The following SEPHS1 variants were observed in gnomAD, a reference collection of about 807,000 sequenced individuals.
The protein encoded by SEPHS1 is zincore component SEPHS1.
In SEPHS1, 7 loss-of-function variants were observed where a neutral mutation model predicts 39.2. That is an observed-to-expected ratio of 0.18 (90% CI 0.10 to 0.34). SEPHS1 has a LOEUF of 0.34. SEPHS1 is among the 10% of genes least tolerant of loss of function. The pLI, the probability that SEPHS1 is intolerant of heterozygous loss-of-function variation, is 1.00. For missense variants in SEPHS1, 253 were observed against 514.5 expected (o/e 0.49, Z 4.92); for synonymous variants, 190 against 195.5 (o/e 0.97, Z 0.23).
chr10:13,322,837 G>T lies in SEPHS1; in HGVS notation c.962C>A (p.Ser321Ter), dbSNP rs1174666851. ...GLMHGTCPET[S>*]GGLLICLPRE... ...CAGATGCGCCCAGCATCCTGTACCT[G>T]AAGTCTCCGGGCAGGTCCCGTGCAT... The change falls in exon 8 of 9, where the codon TCA (serine) becomes TAA (stop). Residue 321 changes from serine (S) to a stop codon, truncating the protein, a stop_gained and splice_region_variant. Transcript: ENST00000327347. LOFTEE classifies it high-confidence loss of function. 6.2e-7 allele frequency: 1 copy of T among 1,613,046 alleles called. No individual in the cohort carries two copies. Among genetic ancestry groups the T allele is most frequent in the Non-Finnish European group, 8.5e-7 (1 of 1,179,778 alleles).
rs1833997560 is a variant in SEPHS1 at position 13,348,192 on chromosome 10, G to T, written c.-271C>A. On this transcript the variant is annotated 5_prime_UTR_variant, in exon 1 of 9. Coordinates refer to ENST00000327347, the MANE Select transcript of SEPHS1 (RefSeq NM_012247.5). ...TCGCCTGCCTCGGCGCGGCCCTGCG[G>T]GAGCCGGGCCGCCGCGCTCCCGCCG... The T allele has an allele frequency of 6.9e-6, 1 of 144,550 alleles. No individual in the cohort carries two copies. Among genetic ancestry groups the T allele is most frequent in the African/African-American group, 2.5e-5 (1 of 40,258 alleles). 9.0% of individuals were successfully genotyped at this position (144,550 alleles called of 1,614,324 possible).
At chr10:13,347,020 T>C (rs150404603) in intron 1 of SEPHS1, among the ~76,000 whole-genome samples, 1 of 151,196 alleles carries the variant, frequency 6.6e-6, no homozygotes, top group Non-Finnish European at 1.5e-5. Flanking sequence ...GGGGAGGGGG[T>C]TCTGGGGGAA....
Position 13,333,923 on chromosome 10 carries a change from C to A in SEPHS1, c.454G>T (p.Ala152Ser). 1 of 1,613,888 alleles carries A rather than the reference C, an allele frequency of 6.2e-7. No individual in the cohort carries two copies. The highest frequency in any genetic ancestry group is 8.5e-7 in the Non-Finnish European group (1 of 1,179,786). ...GTTACAGATGTTCCTGCTTCCTCAG[C>A]TGCGTCTTTAAAACCTTGGATAATC... ...PLIIQGFKDA[A>S]EEAGTSVTGG... Residue 152 changes from alanine to serine, a missense_variant, in exon 5 of 9, where the codon GCT becomes TCT. Around this residue, in one of 4 missense-constraint regions of SEPHS1, gnomAD observed 123 missense variants for 196.8 expected, o/e 0.62. Coordinates refer to ENST00000327347, the MANE Select transcript of SEPHS1 (RefSeq NM_012247.5).
At chr10:13,331,210 A>G (rs1489065209) in intron 5 of SEPHS1, among the ~76,000 whole-genome samples, 1 of 152,172 alleles carries the variant, frequency 6.6e-6, no homozygotes, top group Non-Finnish European at 1.5e-5. Context: ...TGTATGTGCC[A>G]CATTTTCTTA....
chr10:13,337,042 T>C (rs765898214), intron 3 of SEPHS1, among the ~76,000 whole-genome samples: 1 of 152,166 alleles, frequency 6.6e-6, no homozygotes, highest in Non-Finnish European at 1.5e-5. Context: ...TCTCAGCTAC[T>C]TGGGAGCCTG....
At chr10:13,336,128 GGGAGCC>G in intron 4 of SEPHS1, 109 bp downstream of exon 4, 1 of 642,562 alleles carries the variant, frequency 1.6e-6, no homozygotes, top group South Asian at 2.0e-5. Context: ...AAGGAGTGCA[GGGAGCC>G]ATATGGCCTG....
Position 13,338,712 on chromosome 10 carries a change from T to A in SEPHS1, c.290A>T (p.Tyr97Phe), listed in dbSNP as rs1390899202. Residue 97 changes from tyrosine (Y) to phenylalanine (F), a missense_variant, in exon 3 of 9, where the codon TAC (tyrosine) becomes TTC (phenylalanine). Around this residue, in one of 4 missense-constraint regions of SEPHS1, gnomAD observed 123 missense variants for 196.8 expected, o/e 0.62. Coordinates refer to ENST00000327347, the MANE Select transcript of SEPHS1 (RefSeq NM_012247.5). ...DYIYPIVDDP[Y>F]MMGRIACANV... ...ACATCGGCTCACGCTTACCATCATGTAAGGGTCGTCTACGATCGGGTAAAT... is the reference window on the plus strand; with the variant it reads ...ACATCGGCTCACGCTTACCATCATGAAAGGGTCGTCTACGATCGGGTAAAT... 1 of 1,613,230 alleles carries A rather than the reference T, an allele frequency of 6.2e-7. No individual in the cohort carries two copies. The highest frequency in any genetic ancestry group is 1.3e-5 in the African/African-American group (1 of 74,906).
rs1833373934 is a variant in SEPHS1 at position 13,328,558 on chromosome 10, AC to A, written c.652-109del. The A allele has an allele frequency of 3.9e-6, 3 of 759,502 alleles. No homozygotes were observed. In the South Asian group the frequency reaches 5.3e-5, roughly 13 times the overall value. 47.0% of individuals were successfully genotyped at this position (759,502 alleles called of 1,614,324 possible). A position where few individuals can be genotyped will look rare whatever the true frequency, so the allele number is the denominator to read the frequency against. ...ACTTTTTCTTATTTAACTTCTAGGG[AC>A]TTTAATTCAGAAAACTGAATTTTCC... On this transcript the variant is annotated intron_variant, in intron 6 of 8. Coordinates refer to ENST00000327347, the MANE Select transcript of SEPHS1 (RefSeq NM_012247.5).
At chr10:13,334,065 T>G in intron 4 of SEPHS1, 94 bp from the exon 5 acceptor site, 1 of 1,149,804 alleles carries the variant, frequency 8.7e-7, no homozygotes, top group South Asian at 1.5e-5. Context: ...AAAAGAACCA[T>G]AAAATCCTAA....
chr10:13,342,791 A>G (rs1360456380), intron 2 of SEPHS1, among the ~76,000 whole-genome samples: 1 of 151,356 alleles, frequency 6.6e-6, no homozygotes, highest in East Asian at 1.9e-4. Flanking sequence ...GCCGCAGTAC[A>G]GTGGTGTGAC....
chr10:13,347,127 G>A (rs1478180842), intron 1 of SEPHS1: 3 of 152,312 alleles, frequency 2.0e-5, no homozygotes, highest in East Asian at 1.9e-4. Flanking sequence ...TTAAAACAAT[G>A]GCATGAATAT....
Position 13,332,643 on chromosome 10 carries a change from A to AC in SEPHS1, c.560+1173dup, listed in dbSNP as rs377110588. On this transcript the variant is annotated intron_variant, in intron 5 of 8. Coordinates refer to ENST00000327347, the MANE Select transcript of SEPHS1 (RefSeq NM_012247.5). ...CGGATCATGAGATCAGGAGATCGAG[A>AC]CCATCCTGCCTAACATGGTGAAACC... Among the ~76,000 whole-genome samples the AC allele has an allele frequency of 2.0e-5, 3 of 152,228 alleles. No homozygotes were observed. In the East Asian group the frequency reaches 5.8e-4, roughly 29 times the overall value.
At position 13,338,819 on chromosome 10, in the gene SEPHS1, G is replaced by A; in HGVS notation, c.194-11C>T. 6.3e-7 allele frequency: 1 copy of A among 1,593,682 alleles called. No individual in the cohort carries two copies. The highest frequency in any genetic ancestry group is 8.6e-7 in the Non-Finnish European group (1 of 1,161,298). ...TATCCATTCCAATGCCTGTGGAGATGGAAGTCATTAGCATCCAAAAATAAA... is the reference window on the plus strand; with the variant it reads ...TATCCATTCCAATGCCTGTGGAGATAGAAGTCATTAGCATCCAAAAATAAA... On this transcript the variant is annotated splice_polypyrimidine_tract_variant and intron_variant, in intron 2 of 8. Transcript: ENST00000327347.
rs1478977914 is a variant in SEPHS1, at chr10:13,328,361, G to A, written c.741C>T (p.Leu247=). 6.2e-7 allele frequency: 1 copy of A among 1,611,822 alleles called. No homozygotes were observed. The highest frequency in any genetic ancestry group is 1.1e-5 in the South Asian group (1 of 91,010). The part of the protein sequence containing the change: ...YQEAMMNMAR[L]NRTAAGLMHT... ...TCCCACCTGTCATACCTGTCCTGTT[G>A]AGCCTCGCCATGTTCATCATCGCCT... is the stretch of plus-strand genomic sequence containing the variant. Residue 247 remains leucine, a synonymous_variant, in exon 7 of 9, where the codon CTC becomes CTT. Coordinates refer to ENST00000327347, the MANE Select transcript of SEPHS1 (RefSeq NM_012247.5).
At chr10:13,327,222 C>T (rs1364542825) in intron 7 of SEPHS1, among the ~76,000 whole-genome samples, 2 of 112,764 alleles carry the variant, frequency 1.8e-5, no homozygotes, top group South Asian at 3.1e-4. Context: ...GCCTGGGCGA[C>T]AGAGTTAGAT....
chr10:13,331,449 G>C (rs891879139), intron 5 of SEPHS1, among the ~76,000 whole-genome samples: 1 of 151,824 alleles, frequency 6.6e-6, no homozygotes, highest in Non-Finnish European at 1.5e-5. Flanking sequence ...ACAGTGGCAC[G>C]ATCTTGGCTC....
At chr10:13,327,112 G>A (rs767902859) in intron 7 of SEPHS1, among the ~76,000 whole-genome samples, 20 of 151,842 alleles carry the variant, frequency 1.3e-4, no homozygotes, top group Middle Eastern at 3.4e-3. Context: ...GTGATGATGC[G>A]TGCCTGTAGT....
intron 8 of SEPHS1, 81 bp from the exon 9 acceptor site, chr10:13,319,437 A>G: frequency 7.1e-7 from 1 of 1,415,356 alleles, no homozygotes; most frequent in South Asian, 1.2e-5. Flanking sequence ...CAGAGATCCA[A>G]CTTCCATCAA....
chr10:13,323,060 G>C lies in SEPHS1; in HGVS notation c.752-13C>G, dbSNP rs1833161459. 13 of 1,612,740 alleles carry C rather than the reference G, an allele frequency of 8.1e-6. No homozygotes were observed. Among genetic ancestry groups the C allele is most frequent in the Non-Finnish European group, 1.0e-5 (12 of 1,179,000 alleles). ...ATGAGTCCTGCAGCTGGGAGAGAGA[G>C]GGGGCGGCTCTGAGAAAAAACACCT... On this transcript the variant is annotated splice_polypyrimidine_tract_variant and intron_variant, in intron 7 of 8. Transcript: ENST00000327347.
Sources: gnomAD v4.1 joint callset for allele counts (sites outside exome capture counted in the v4.1 genomes callset) on GRCh38, gnomAD v4.1.1 for gene constraint, gnomAD v4.1.1 regional missense constraint, MANE v1.5 for transcripts, NCBI Gene and HGNC (gene_info 2026-07-23, HGNC 2026-07-21) for gene names.